XKR5: variants seen among roughly 807,000 people sequenced by gnomAD.
The protein encoded by XKR5 is XK related 5.
XKR5 carries 46 observed loss-of-function variants against 40.8 expected under a neutral mutation model. That is an observed-to-expected ratio of 1.13 (90% CI 0.89 to 1.44). XKR5 has a LOEUF of 1.44. Ranked by LOEUF, XKR5 falls within the 40% of genes most tolerant of loss-of-function variation. The pLI, the probability that XKR5 is intolerant of heterozygous loss-of-function variation, is 0.00. For synonymous variants in XKR5, 466 were observed against 356.1 expected, an observed-to-expected ratio of 1.31 and a Z score of -3.48; for missense variants, 1,169 against 844.7, an observed-to-expected ratio of 1.38 and a Z score of -4.76.
chr8:6,812,183 T>C lies in XKR5; in HGVS notation c.1076A>G (p.Glu359Gly). The C allele has an allele frequency of 6.4e-7, 1 of 1,551,814 alleles. No individual in the cohort carries two copies. Among genetic ancestry groups the C allele is most frequent in the South Asian group, 1.2e-5 (1 of 84,064 alleles). Residue 359 changes from glutamate to glycine, a missense_variant, in exon 7 of 7, where the codon GAG becomes GGG. By Grantham distance (98) the Glu-to-Gly change is moderately conservative. Transcript: ENST00000618742. ...RATDLAGKRT[E>G]SSGSCQGASY... ...TGCCCCTTGGCATGAGCCTGAGCTCTCGGTTCTCTTCCCAGCTAGATCTGT... is the reference window on the plus strand; with the variant it reads ...TGCCCCTTGGCATGAGCCTGAGCTCCCGGTTCTCTTCCCAGCTAGATCTGT...
intron 6 of XKR5, among the ~76,000 whole-genome samples, chr8:6,813,064 CA>C (rs2117077974): frequency 6.6e-6 from 1 of 152,292 alleles, no homozygotes; most frequent in South Asian, 2.1e-4. Flanking sequence ...TCATTATAAA[CA>C]GCACAAAACC....
chr8:6,825,940 TGTG>T (rs1234016042), intron 2 of XKR5, among the ~76,000 whole-genome samples: 4 of 152,062 alleles, frequency 2.6e-5, no homozygotes, highest in African/African-American at 7.2e-5. Context: ...TGGAGGCTGA[TGTG>T]GTCCCGGTGA....
In XKR5 at chr8:6,817,930, C is replaced by CACTCACATTT. The variant is rs928237954; in HGVS notation, c.808-2022_808-2013dup. 3.9e-5 allele frequency among the ~76,000 whole-genome samples: 6 copies of CACTCACATTT among 152,304 alleles called. No homozygotes were observed. The East Asian group carries it at 9.6e-4, about 24-fold the overall frequency. On this transcript the variant is annotated intron_variant, in intron 5 of 6. Coordinates refer to ENST00000618742, the MANE Select transcript of XKR5 (RefSeq NM_207411.5). Reference sequence around the variant, plus strand: ...CGCCAATGAACAAACACAGATGGCACACTCACATTTACGATCCCACTTTCC... The same window carrying CACTCACATTT: ...CGCCAATGAACAAACACAGATGGCACACTCACATTTACTCACATTTACGATCCCACTTTCC...
intron 5 of XKR5, among the ~76,000 whole-genome samples, chr8:6,820,701 A>C (rs922736731): frequency 3.9e-5 from 6 of 152,216 alleles, no homozygotes; most frequent in Non-Finnish European, 1.5e-5. Flanking sequence ...CGGTGTTCAG[A>C]TGTGGACGCT....
At chr8:6,826,334 T>C (rs1346108583) in intron 2 of XKR5, among the ~76,000 whole-genome samples, 1 of 151,994 alleles carries the variant, frequency 6.6e-6, no homozygotes, top group Admixed American at 6.6e-5. Flanking sequence ...AGTGTGAGTG[T>C]GTGTGTGTGC....
At chr8:6,818,100 C>T (rs907284552) in intron 5 of XKR5, among the ~76,000 whole-genome samples, 11 of 152,204 alleles carry the variant, frequency 7.2e-5, no homozygotes, top group Non-Finnish European at 1.5e-4. Context: ...TTCCCTATGG[C>T]GATACACTCA....
At chr8:6,816,744 T>A (rs1279690878) in intron 5 of XKR5, among the ~76,000 whole-genome samples, 3 of 147,716 alleles carry the variant, frequency 2.0e-5, no homozygotes, top group East Asian at 1.9e-4. Flanking sequence ...TTTTAATATA[T>A]TTAATATATA....
chr8:6,828,320 C>G (rs1279087259), intron 2 of XKR5, among the ~76,000 whole-genome samples: 1 of 152,114 alleles, frequency 6.6e-6, no homozygotes, highest in East Asian at 1.9e-4. Context: ...AAAGGAGTGT[C>G]TGGGGTCAGT....
In XKR5 at chr8:6,811,746, C is replaced by T. The variant is rs1242294655; in HGVS notation, c.1513G>A (p.Ala505Thr). ...TTTGGGGTGCCCTCCCCCTGCGTGGCTGCTGGGTTCTGGGTAGGTGCTTCA... is the reference window on the plus strand; with the variant it reads ...TTTGGGGTGCCCTCCCCCTGCGTGGTTGCTGGGTTCTGGGTAGGTGCTTCA... ...QDEAPTQNPA[A>T]TQGEGTPKEG... The change falls in exon 7 of 7, where the codon GCC becomes ACC. Residue 505 changes from alanine (A) to threonine (T), a missense_variant. By Grantham distance (58) the Ala-to-Thr change is moderately conservative. Coordinates refer to ENST00000618742, the MANE Select transcript of XKR5 (RefSeq NM_207411.5). The T allele has an allele frequency of 1.3e-6, 2 of 1,537,572 alleles. No individual in the cohort carries two copies. The highest frequency in any genetic ancestry group is 1.7e-6 in the Non-Finnish European group (2 of 1,146,998).
rs1803748889 is a variant in XKR5 at position 6,812,153 on chromosome 8, T to C, written c.1106A>G (p.Tyr369Cys). 1.3e-6 allele frequency: 2 copies of C among 1,551,490 alleles called. No homozygotes were observed. Among genetic ancestry groups the C allele is most frequent in the Non-Finnish European group, 1.7e-6 (2 of 1,146,994 alleles). The change falls in exon 7 of 7, where the codon TAT becomes TGT. Residue 369 changes from tyrosine to cysteine, a missense_variant. Physicochemically the swap from Tyr to Cys is radical, Grantham distance 194 (BLOSUM62 -2). Transcript: ENST00000618742. ...ESSGSCQGAS[Y>C]EPTILGKPPT... ...GGGCTTCCCTAAAATGGTTGGTTCA[T>C]AACTTGCCCCTTGGCATGAGCCTGA...
chr8:6,828,878 C>G (rs1373662548), intron 2 of XKR5, among the ~76,000 whole-genome samples: 2 of 152,206 alleles, frequency 1.3e-5, no homozygotes, highest in Non-Finnish European at 2.9e-5. Flanking sequence ...CCATTTATCT[C>G]CTGCCACATT....
At chr8:6,823,132 C>T (rs956960766) in intron 4 of XKR5, among the ~76,000 whole-genome samples, 5 of 152,202 alleles carry the variant, frequency 3.3e-5, no homozygotes, top group Non-Finnish European at 1.5e-5. Context: ...GCACGCGTTC[C>T]TTCCTGCCCT....
At chr8:6,824,754 C>G (rs76385552) in intron 3 of XKR5, among the ~76,000 whole-genome samples, 3 of 152,202 alleles carry the variant, frequency 2.0e-5, no homozygotes, top group African/African-American at 7.2e-5. Context: ...AGCTCCTGGG[C>G]TCAAGCAATC....
Position 6,811,635 on chromosome 8 carries a change from A to T in XKR5, c.1624T>A (p.Leu542Met), listed in dbSNP as rs1260401845. Reference sequence around the variant, plus strand: ...ACTTCTGCAGTGGCGCTGAAGTACAACGTGGAACTCTGCTGTCCTTCCCCT... The same window carrying T: ...ACTTCTGCAGTGGCGCTGAAGTACATCGTGGAACTCTGCTGTCCTTCCCCT... Reference protein sequence around the residue: ...RGGEGQQSSTLYFSATAEVAT... With the variant: ...RGGEGQQSSTMYFSATAEVAT... Residue 542 changes from leucine (L) to methionine (M), a missense_variant, in exon 7 of 7, where the codon TTG (leucine) becomes ATG (methionine). Physicochemically the swap from Leu to Met is conservative, Grantham distance 15 (BLOSUM62 2). Coordinates refer to ENST00000618742, the MANE Select transcript of XKR5 (RefSeq NM_207411.5). 4 of 1,537,460 alleles carry T rather than the reference A, an allele frequency of 2.6e-6. No individual in the cohort carries two copies. Among genetic ancestry groups the T allele is most frequent in the Middle Eastern group, 1.7e-4 (1 of 5,994 alleles).
chr8:6,825,128 G>A (rs1228189300), intron 3 of XKR5, 37 bp downstream of exon 3: 3 of 1,608,476 alleles, frequency 1.9e-6, no homozygotes, highest in East Asian at 2.2e-5. Flanking sequence ...CCCTTCGGCA[G>A]TCAGACAGTC....
At chr8:6,824,515 C>G (rs1353637357) in intron 3 of XKR5, among the ~76,000 whole-genome samples, 1 of 152,008 alleles carries the variant, frequency 6.6e-6, no homozygotes, top group Admixed American at 6.6e-5. Context: ...AAGCCTCTGG[C>G]TTTGTTAAGA....
chr8:6,822,165 A>G (rs1390053884), intron 4 of XKR5, 127 bp from the exon 5 acceptor site: 1 of 902,802 alleles, frequency 1.1e-6, no homozygotes, highest in Non-Finnish European at 1.6e-6. Context: ...AAGAGATATC[A>G]AAACCCAGAA....
intron 5 of XKR5, among the ~76,000 whole-genome samples, chr8:6,818,722 C>T (rs963794937): frequency 6.6e-6 from 1 of 152,122 alleles, no homozygotes; most frequent in African/African-American, 2.4e-5. Flanking sequence ...GCCTGGGAAT[C>T]GCCACTTTAT....
intron 2 of XKR5, 79 bp from the exon 3 acceptor site, chr8:6,825,428 T>C: frequency 1.5e-6 from 2 of 1,368,498 alleles, no homozygotes; most frequent in East Asian, 5.2e-5. Flanking sequence ...TTTAGAGACA[T>C]ACTACATGCT....
Sources: allele counts gnomAD v4.1 joint callset (sites outside exome capture counted in the v4.1 genomes callset), GRCh38; gene constraint gnomAD v4.1.1; transcripts MANE v1.5; gene names NCBI Gene and HGNC (gene_info 2026-07-23, HGNC 2026-07-21).